NMBR: variants seen among roughly 807,000 people sequenced by gnomAD.
NMBR encodes neuromedin B receptor, also known as neuromedin-B receptor.
Under a neutral mutation model 20.5 loss-of-function variants are expected in NMBR, and 16 were observed. That is an observed-to-expected ratio of 0.78 (90% confidence interval 0.53 to 1.19). The LOEUF (loss-of-function observed/expected upper bound fraction) is 1.19, where lower values mean the gene tolerates loss of function less well. Among genes scored for constraint, NMBR ranks in the 50% most tolerant of loss-of-function variants. The probability of loss-of-function intolerance (pLI) is 0.00; values close to 1 mark genes in which losing one functional copy is unlikely to be tolerated. For missense variants in NMBR, 582 were observed against 499.1 expected (o/e 1.17, Z -1.58); for synonymous variants, 212 against 196.6 (o/e 1.08, Z -0.65).
chr6:142,088,021 AC>A (rs1777231367), intron 2 of NMBR, among the ~76,000 whole-genome samples: 1 of 152,124 alleles, frequency 6.6e-6, no homozygotes, highest in Admixed American at 6.5e-5. Context: ...TTTTTTTAAA[AC>A]ATAGTAATTT....
At chr6:142,133,441 A>C (rs554750173) in intron 1 of NMBR, among the ~76,000 whole-genome samples, 1 of 152,176 alleles carries the variant, frequency 6.6e-6, no homozygotes, top group Non-Finnish European at 1.5e-5. Context: ...CAGAGGAAAA[A>C]AGCTTTAACT....
rs767607723 is a variant in NMBR at position 142,074,747 on chromosome 6, C to T, written c.*901G>A. Reference sequence around the variant, plus strand: ...ATCTATACACAATCATCCAAATATTCGAGGATTTAGCAATGTATACTAAGA... The same window carrying T: ...ATCTATACACAATCATCCAAATATTTGAGGATTTAGCAATGTATACTAAGA... On this transcript the variant is annotated 3_prime_UTR_variant, in exon 4 of 4. Coordinates refer to ENST00000258042, the MANE Select transcript of NMBR (RefSeq NM_002511.4). 2.0e-5 allele frequency among the ~76,000 whole-genome samples: 3 copies of T among 151,824 alleles called. No homozygotes were observed. The highest frequency in any genetic ancestry group is 2.1e-4 in the South Asian group (1 of 4,818).
At chr6:142,133,999 C>T (rs1778198281) in intron 1 of NMBR, 1 of 702,240 alleles carries the variant, frequency 1.4e-6, no homozygotes, top group East Asian at 2.7e-5. Context: ...TAAACCTCTT[C>T]TGTTACAATC....
chr6:142,113,264 G>T (rs1777803187), intron 1 of NMBR, among the ~76,000 whole-genome samples: 1 of 151,854 alleles, frequency 6.6e-6, no homozygotes, highest in Non-Finnish European at 1.5e-5. Context: ...ATAGCCTAAA[G>T]TCATATTTAT....
chr6:142,102,205 G>T (rs1777577548), intron 1 of NMBR, among the ~76,000 whole-genome samples: 2 of 151,898 alleles, frequency 1.3e-5, no homozygotes, highest in Admixed American at 1.3e-4. Flanking sequence ...TGGCTAACAC[G>T]GTGAATCCCC....
intron 1 of NMBR, among the ~76,000 whole-genome samples, chr6:142,117,278 G>A (rs1389059866): frequency 1.3e-5 from 2 of 151,900 alleles, no homozygotes; most frequent in Non-Finnish European, 2.9e-5. Context: ...AATAATTGTA[G>A]TTAGCAGCAT....
At chr6:142,143,158 A>G (rs1459672132) in intron 1 of NMBR, among the ~76,000 whole-genome samples, 2 of 152,232 alleles carry the variant, frequency 1.3e-5, no homozygotes, top group Non-Finnish European at 2.9e-5. Context: ...TTAAATGTAA[A>G]AAATCATTTA....
chr6:142,085,429 CAGG>C (rs1777182259), intron 2 of NMBR, among the ~76,000 whole-genome samples: 3 of 152,084 alleles, frequency 2.0e-5, no homozygotes, highest in Admixed American at 1.3e-4. Context: ...GAGGTTGAGG[CAGG>C]AGATTTGCTT....
chr6:142,122,271 T>C (rs533203626), intron 1 of NMBR, among the ~76,000 whole-genome samples: 35 of 152,082 alleles, frequency 2.3e-4, no homozygotes, highest in African/African-American at 7.7e-4. Flanking sequence ...TCTTCAGTCC[T>C]ATGAAGGCTA....
chr6:142,081,315 T>C (rs952130730), intron 2 of NMBR, among the ~76,000 whole-genome samples: 2 of 152,188 alleles, frequency 1.3e-5, no homozygotes, highest in Non-Finnish European at 1.5e-5. Context: ...GCATGCATTA[T>C]AACTATAAAA....
Position 142,088,338 on chromosome 6 carries a change from G to A in NMBR, c.321C>T (p.Asp107=). Residue 107 remains aspartate (D), a synonymous_variant, in exon 2 of 4, where the codon GAC becomes GAT. Transcript: ENST00000258042. ...AGCCCACCTTGCCAAACATCCACTCGTCGAAGAAGTAGCGCGAGGCGTCCA... is the reference window on the plus strand; with the variant it reads ...AGCCCACCTTGCCAAACATCCACTCATCGAAGAAGTAGCGCGAGGCGTCCA... The part of the protein sequence containing the change: ...VPVDASRYFF[D]EWMFGKVGCK... The A allele has an allele frequency of 1.2e-6, 2 of 1,614,158 alleles. No individual in the cohort carries two copies. The highest frequency in any genetic ancestry group is 1.7e-6 in the Non-Finnish European group (2 of 1,180,034).
intron 1 of NMBR, among the ~76,000 whole-genome samples, chr6:142,113,750 A>G (rs1777808928): frequency 6.6e-6 from 1 of 152,200 alleles, no homozygotes; most frequent in Non-Finnish European, 1.5e-5. Flanking sequence ...ATTTGGAAGC[A>G]ACTATTTAGT....
chr6:142,094,631 C>A (rs182197251), intron 1 of NMBR, among the ~76,000 whole-genome samples: 2 of 152,056 alleles, frequency 1.3e-5, no homozygotes, highest in East Asian at 1.9e-4. Context: ...CTTGGCTATG[C>A]GGGCTCTTTT....
intron 2 of NMBR, among the ~76,000 whole-genome samples, chr6:142,084,576 G>T (rs1206863513): frequency 6.6e-6 from 1 of 151,982 alleles, no homozygotes; most frequent in East Asian, 1.9e-4. Context: ...ATAAAGAATT[G>T]ATATCTAGTT....
intron 1 of NMBR, chr6:142,134,679 T>C: frequency 1.4e-6 from 1 of 696,392 alleles, no homozygotes; most frequent in Non-Finnish European, 2.6e-6. Context: ...TAAGAATTAG[T>C]CTAGCGGCAA....
At chr6:142,108,805 C>A (rs1777707065) in intron 1 of NMBR, among the ~76,000 whole-genome samples, 1 of 152,140 alleles carries the variant, frequency 6.6e-6, no homozygotes, top group Non-Finnish European at 1.5e-5. Flanking sequence ...TTCCAATAGT[C>A]CCCCAAATTC....
chr6:142,145,975 T>C (rs1277073683), intron 1 of NMBR, among the ~76,000 whole-genome samples: 2 of 152,320 alleles, frequency 1.3e-5, no homozygotes, highest in East Asian at 3.9e-4. Context: ...AAAACAGTTA[T>C]GGTTATCCAA....
intron 1 of NMBR, among the ~76,000 whole-genome samples, chr6:142,104,216 G>A (rs980754155): frequency 6.6e-5 from 10 of 152,200 alleles, no homozygotes; most frequent in African/African-American, 2.4e-4. Context: ...ACAAGGAAAT[G>A]TGGTCATTTC....
chr6:142,145,569 T>C (rs1168717611), intron 1 of NMBR, among the ~76,000 whole-genome samples: 6 of 152,220 alleles, frequency 3.9e-5, no homozygotes, highest in Non-Finnish European at 7.3e-5. Flanking sequence ...ACATGCATGA[T>C]ACATAGTTGA....
Sources: gnomAD v4.1 joint callset for allele counts (sites outside exome capture counted in the v4.1 genomes callset) on GRCh38, gnomAD v4.1.1 for gene constraint, MANE v1.5 for transcripts, NCBI Gene and HGNC (gene_info 2026-07-23, HGNC 2026-07-21) for gene names.